The following RDH16 variants were observed in gnomAD, a reference collection of about 807,000 sequenced individuals.
RDH16 encodes human epidermal retinol dehydrogenase.
A neutral mutation model predicts 22.3 loss-of-function variants in RDH16; 25 were observed. That is an observed-to-expected ratio of 1.12 (90% CI 0.82 to 1.56). RDH16 has a LOEUF of 1.56. Ranked by LOEUF, RDH16 falls within the 40% of genes most tolerant of loss-of-function variation. The probability of loss-of-function intolerance (pLI) is 0.00; values close to 1 mark genes in which losing one functional copy is unlikely to be tolerated. For synonymous variants in RDH16, 154 were observed against 164.4 expected (o/e 0.94, Z 0.48); for missense variants, 413 against 394.9 (o/e 1.05, Z -0.39).
chr12:56,957,548 G>A lies in RDH16; in HGVS notation c.-86C>T, dbSNP rs919007981. On this transcript the variant is annotated 5_prime_UTR_variant, in exon 1 of 4. Transcript: ENST00000398138. The stretch of plus-strand genomic sequence containing the variant: ...AGACAGGAGGATTTAAGAACACAGA[G>A]GGCTGTGGTAGGCAGGGAAGCCCTC... 2.1e-6 allele frequency: 3 copies of A among 1,452,706 alleles called. No individual in the cohort carries two copies. The highest frequency in any genetic ancestry group is 4.3e-5 in the Admixed American group (2 of 47,010). The allele number at this position is 1,452,706 out of a possible 1,614,324, so 90.0% of individuals were successfully genotyped here.
rs1319604750 is a variant in RDH16 at position 56,952,943 on chromosome 12, C to A, written c.620G>T (p.Gly207Val). The A allele has an allele frequency of 6.2e-7, 1 of 1,613,950 alleles. No homozygotes were observed. Among genetic ancestry groups the A allele is most frequent in the Admixed American group, 1.7e-5 (1 of 59,996 alleles). Residue 207 changes from glycine to valine, a missense_variant, in exon 3 of 4, where the codon GGC (glycine) becomes GTC (valine). Coordinates refer to ENST00000398138, the MANE Select transcript of RDH16 (RefSeq NM_003708.5). The part of the protein sequence containing the change: ...FGVKVAMIEP[G>V]YFKTAVTSKE... ...ACTGGTCACAGCAGTCTTGAAATAG[C>A]CAGGTTCAATCATAGCCACCTTCAC...
At chr12:56,957,059 C>G (rs1219434263) in intron 1 of RDH16, 91 bp downstream of exon 1, 5 of 1,272,122 alleles carry the variant, frequency 3.9e-6, no homozygotes, top group Non-Finnish European at 5.5e-6. Flanking sequence ...CCTGGAAAGA[C>G]ACTGTAGGAA....
At chr12:56,954,849 C>A in intron 2 of RDH16, 57 bp downstream of exon 2, 2 of 1,591,070 alleles carry the variant, frequency 1.3e-6, no homozygotes, top group Admixed American at 1.7e-5. Flanking sequence ...CTGGAAAAGA[C>A]TTCCCCACAA....
In RDH16 at chr12:56,952,171, G is replaced by A. The variant is rs61741966; in HGVS notation, c.812C>T (p.Ala271Val). The A allele has an allele frequency of 3.1e-5, 50 of 1,614,012 alleles. No homozygotes were observed. Among genetic ancestry groups the A allele is most frequent in the Non-Finnish European group, 3.7e-5 (44 of 1,180,018 alleles). ...LSLVTNCMEH[A>V]LIACHPRTRY... Reference sequence around the variant, plus strand: ...AGTACGGGGGTGGCAGGCAATCAGCGCATGCTCCATGCAGTTGGTCACCAA... The same window carrying A: ...AGTACGGGGGTGGCAGGCAATCAGCACATGCTCCATGCAGTTGGTCACCAA... The change falls in exon 4 of 4, where the codon GCG becomes GTG. Residue 271 changes from alanine to valine, a missense_variant. Physicochemically the swap from Ala to Val is moderately conservative, Grantham distance 64. Coordinates refer to ENST00000398138, the MANE Select transcript of RDH16 (RefSeq NM_003708.5).
chr12:56,952,784 C>A (rs776252189), intron 3 of RDH16, 43 bp downstream of exon 3: 2 of 1,586,440 alleles, frequency 1.3e-6, no homozygotes, highest in Non-Finnish European at 1.7e-6. Flanking sequence ...AAGGATTCCA[C>A]ACGAGGGTTT....
At position 56,957,160 on chromosome 12, in the gene RDH16, C is replaced by G. The variant is rs376695467; in HGVS notation, c.303G>C (p.Val101=). Residue 101 remains valine (V), a synonymous_variant, in exon 1 of 4, where the codon GTG becomes GTC. Transcript: ENST00000398138. ...AACCTGGGTGGTTACCTTTGTCTCT[C>G]ACGCACTCCTTCACCCACTGGGCGG... ...AAAAQWVKEC[V]RDKGLWGLVN... 1 of 1,609,498 alleles carries G rather than the reference C, an allele frequency of 6.2e-7. No homozygotes were observed. Among genetic ancestry groups the G allele is most frequent in the Non-Finnish European group, 8.5e-7 (1 of 1,176,538 alleles).
At chr12:56,954,883 T>G in intron 2 of RDH16, 23 bp downstream of exon 2, 1 of 1,612,906 alleles carries the variant, frequency 6.2e-7, no homozygotes, top group Non-Finnish European at 8.5e-7. Context: ...AAGACTAGGG[T>G]GGGCCCCATC....
At chr12:56,953,835 G>A (rs1009455823) in intron 2 of RDH16, among the ~76,000 whole-genome samples, 4 of 152,196 alleles carry the variant, frequency 2.6e-5, no homozygotes, top group Non-Finnish European at 4.4e-5. Flanking sequence ...TGGCCAGCAA[G>A]GTTGACTTGG....
rs745990933 is a variant in RDH16 at position 56,952,144 on chromosome 12, C to T, written c.839G>A (p.Arg280His). The part of the protein sequence containing the change: ...HALIACHPRT[R>H]YSAGWDAKLL... The stretch of plus-strand genomic sequence containing the variant: ...CTTGGCATCCCAGCCAGCTGAGTAG[C>T]GAGTACGGGGGTGGCAGGCAATCAG... Residue 280 changes from arginine (R) to histidine (H), a missense_variant, in exon 4 of 4, where the codon CGC becomes CAC. Transcript: ENST00000398138. 2.2e-5 allele frequency: 36 copies of T among 1,614,028 alleles called. No individual in the cohort carries two copies. The highest frequency in any genetic ancestry group is 3.3e-4 in the Middle Eastern group (2 of 6,084).
intron 2 of RDH16, among the ~76,000 whole-genome samples, chr12:56,954,118 T>C (rs1040859922): frequency 1.3e-5 from 2 of 152,158 alleles, no homozygotes; most frequent in African/African-American, 4.8e-5. Flanking sequence ...GAAGCATTTC[T>C]CTCCCTAGAG....
At position 56,955,047 on chromosome 12, in the gene RDH16, A is replaced by T. The variant is rs1955915366; in HGVS notation, c.431T>A (p.Val144Glu). Residue 144 changes from valine (V) to glutamate (E), a missense_variant, in exon 2 of 4, where the codon GTG becomes GAG. Val to Glu is a moderately radical substitution (Grantham distance 121, BLOSUM62 -2). Coordinates refer to ENST00000398138, the MANE Select transcript of RDH16 (RefSeq NM_003708.5). ...CACTAAGGGCAGCAGGCTCAGAGTC[A>T]CATCAATCACCCCCAACAAGTTCAC... ...LDVNLLGVID[V>E]TLSLLPLVRR... 6.2e-7 allele frequency: 1 copy of T among 1,614,068 alleles called. No homozygotes were observed. The highest frequency in any genetic ancestry group is 1.7e-5 in the Admixed American group (1 of 60,010).
At chr12:56,954,350 G>T (rs1348400622) in intron 2 of RDH16, among the ~76,000 whole-genome samples, 1 of 152,200 alleles carries the variant, frequency 6.6e-6, no homozygotes, top group African/African-American at 2.4e-5. Context: ...AGTGTCAGCT[G>T]CTGGGAGAGC....
At chr12:56,952,270 A>G (rs781378207) in intron 3 of RDH16, 24 bp from the exon 4 acceptor site, 2 of 1,607,170 alleles carry the variant, frequency 1.2e-6, no homozygotes, top group Non-Finnish European at 8.5e-7. Flanking sequence ...GAAACAATCC[A>G]TGTATATTTC....
Position 56,957,162 on chromosome 12 carries a change from C to T in RDH16, c.301G>A (p.Val101Met), listed in dbSNP as rs201943662. The T allele has an allele frequency of 2.1e-4, 346 of 1,609,700 alleles. No individual in the cohort carries two copies. The highest frequency in any genetic ancestry group is 2.8e-4 in the Non-Finnish European group (328 of 1,176,630). Residue 101 changes from valine to methionine, a missense_variant, in exon 1 of 4, where the codon GTG (valine) becomes ATG (methionine). Val to Met is a conservative substitution (Grantham distance 21). Coordinates refer to ENST00000398138, the MANE Select transcript of RDH16 (RefSeq NM_003708.5). ...AAAAQWVKEC[V>M]RDKGLWGLVN... is the part of the protein sequence containing the mutation. ...CCTGGGTGGTTACCTTTGTCTCTCA[C>T]GCACTCCTTCACCCACTGGGCGGCT...
At position 56,957,526 on chromosome 12, in the gene RDH16, C is replaced by G. The variant is rs1171634768; in HGVS notation, c.-64G>C. Reference sequence around the variant, plus strand: ...AACCAGAGTCTGGCCTCTGTTCAGACAGGAGGATTTAAGAACACAGAGGGC... The same window carrying G: ...AACCAGAGTCTGGCCTCTGTTCAGAGAGGAGGATTTAAGAACACAGAGGGC... On this transcript the variant is annotated 5_prime_UTR_variant, in exon 1 of 4. Transcript: ENST00000398138. 5 of 1,525,784 alleles carry G rather than the reference C, an allele frequency of 3.3e-6. No homozygotes were observed. Among genetic ancestry groups the G allele is most frequent in the South Asian group, 2.5e-5 (2 of 79,018 alleles). The allele number at this position is 1,525,784 out of a possible 1,614,324, so 94.5% of individuals were successfully genotyped here. A position where few individuals can be genotyped will look rare whatever the true frequency, so the allele number is the denominator to read the frequency against.
intron 1 of RDH16, 54 bp downstream of exon 1, chr12:56,957,096 G>T (rs1955935070): frequency 6.6e-7 from 1 of 1,518,028 alleles, no homozygotes; most frequent in African/African-American, 1.4e-5. Flanking sequence ...ACAGGAGGTG[G>T]TCCCTTCACA....
In RDH16 at chr12:56,957,515, C is replaced by G; in HGVS notation, c.-53G>C. On this transcript the variant is annotated 5_prime_UTR_variant, in exon 1 of 4. Coordinates refer to ENST00000398138, the MANE Select transcript of RDH16 (RefSeq NM_003708.5). ...GCTGTGGGGGAAACCAGAGTCTGGCCTCTGTTCAGACAGGAGGATTTAAGA... is the reference window on the plus strand; with the variant it reads ...GCTGTGGGGGAAACCAGAGTCTGGCGTCTGTTCAGACAGGAGGATTTAAGA... 1 of 1,553,848 alleles carries G rather than the reference C, an allele frequency of 6.4e-7. No homozygotes were observed. The highest frequency in any genetic ancestry group is 8.7e-7 in the Non-Finnish European group (1 of 1,142,884).
chr12:56,954,352 TG>T (rs932482068), intron 2 of RDH16, among the ~76,000 whole-genome samples: 1 of 152,178 alleles, frequency 6.6e-6, no homozygotes, highest in Non-Finnish European at 1.5e-5. Flanking sequence ...TGTCAGCTGC[TG>T]GGAGAGCCTC....
At position 56,957,250 on chromosome 12, in the gene RDH16, G is replaced by A. The variant is rs780255307; in HGVS notation, c.213C>T (p.Gly71=). 3.7e-6 allele frequency: 6 copies of A among 1,614,134 alleles called. No individual in the cohort carries two copies. Among genetic ancestry groups the A allele is most frequent in the East Asian group, 4.5e-5 (2 of 44,876 alleles). Residue 71 remains glycine, a synonymous_variant, in exon 1 of 4, where the codon GGC becomes GGT. Coordinates refer to ENST00000398138, the MANE Select transcript of RDH16 (RefSeq NM_003708.5). ...LTEKGAEQLR[G]QTSDRLETVT... ...CCGTCTCCAGCCTGTCTGAAGTCTG[G>A]CCCCTCAGCTGCTCGGCTCCTTTCT...
Sources: gnomAD v4.1 joint callset for allele counts (sites outside exome capture counted in the v4.1 genomes callset) on GRCh38, gnomAD v4.1.1 for gene constraint, MANE v1.5 for transcripts, NCBI Gene and HGNC (gene_info 2026-07-23, HGNC 2026-07-21) for gene names.